Variants in CADM2 observed in about 807,000 individuals in gnomAD.
CADM2 encodes cell adhesion molecule 2.
A neutral mutation model predicts 49.8 loss-of-function variants in CADM2; 12 were observed. That is an observed-to-expected ratio of 0.24 (90% CI 0.15 to 0.39). The LOEUF (loss-of-function observed/expected upper bound fraction) is 0.39. Among genes scored for constraint, CADM2 ranks in the 10% least tolerant of loss-of-function variants. The pLI is 1.00. For missense variants in CADM2, 378 were observed against 492.3 expected (o/e 0.77, Z 2.20); for synonymous variants, 214 against 175.4 (o/e 1.22, Z -1.74).
chr3:85,414,573 C>T (rs1351549866), intron 1 of CADM2, among the ~76,000 whole-genome samples: 3 of 151,970 alleles, frequency 2.0e-5, no homozygotes, highest in African/African-American at 4.8e-5. Context: ...TTTTATTTTT[C>T]TATCTAAATG....
intron 1 of CADM2, among the ~76,000 whole-genome samples, chr3:85,474,001 G>T (rs919150911): frequency 6.6e-6 from 1 of 151,732 alleles, no homozygotes; most frequent in African/African-American, 2.4e-5. Flanking sequence ...CCTAAATATT[G>T]TTGCAATGAT....
intron 1 of CADM2, among the ~76,000 whole-genome samples, chr3:85,052,211 G>A (rs531795634): frequency 3.1e-4 from 47 of 152,176 alleles, no homozygotes; most frequent in African/African-American, 1.1e-3. Context: ...CTATTTCCCC[G>A]ATTGGATAAT....
intron 1 of CADM2, among the ~76,000 whole-genome samples, chr3:85,161,529 C>G (rs1240782474): frequency 6.6e-6 from 1 of 151,790 alleles, no homozygotes; most frequent in Admixed American, 6.6e-5. Context: ...CTACTAAAAC[C>G]TAGGTGAATG....
rs143789796 is a variant in CADM2 at position 86,061,550 on chromosome 3, G to A, written c.971-4055G>A. 2.8e-3 allele frequency among the ~76,000 whole-genome samples: 427 copies of A among 152,064 alleles called. 3 individuals are homozygous for A. Among genetic ancestry groups the A allele is most frequent in the African/African-American group, 9.6e-3 (397 of 41,512 alleles). ...AAGGATTAAGATATAATAACAAAAG[G>A]GTTAGATGACAATAAAGATTTGTAT... is the stretch of plus-strand genomic sequence containing the variant. On this transcript the variant is annotated intron_variant, in intron 8 of 9. Transcript: ENST00000383699.
intron 1 of CADM2, among the ~76,000 whole-genome samples, chr3:85,524,099 T>C (rs1363818552): frequency 1.3e-5 from 2 of 152,160 alleles, no homozygotes; most frequent in Non-Finnish European, 2.9e-5. Context: ...ACTAGGAATG[T>C]CTTGCCTTTG....
intron 7 of CADM2, among the ~76,000 whole-genome samples, chr3:85,940,596 A>C (rs2108552061): frequency 6.6e-6 from 1 of 152,244 alleles, no homozygotes; most frequent in Admixed American, 6.6e-5. Flanking sequence ...CCTAATATAT[A>C]GCAGTTGTTA....
intron 1 of CADM2, among the ~76,000 whole-genome samples, chr3:85,566,781 G>A (rs1291295408): frequency 1.3e-5 from 2 of 152,160 alleles, no homozygotes; most frequent in African/African-American, 4.8e-5. Context: ...ATAATCAAGT[G>A]AATTGCAATT....
Position 85,183,117 on chromosome 3 carries a change from C to T in CADM2, c.61+223449C>T, listed in dbSNP as rs80349749. Among the ~76,000 whole-genome samples, 1,051 of 152,154 alleles carry T rather than the reference C, an allele frequency of 6.9e-3. 9 individuals carry two copies. Among genetic ancestry groups the T allele is most frequent in the African/African-American group, 0.023 (961 of 41,538 alleles). ...GATGATGTAAATAAAATGATACTCT[C>T]AAATTAATACTAAGCTTTTCAGAGA... On this transcript the variant is annotated intron_variant, in intron 1 of 9. Coordinates refer to ENST00000383699, the MANE Select transcript of CADM2 (RefSeq NM_001167675.2).
chr3:85,232,703 A>C (rs762949828), intron 1 of CADM2, among the ~76,000 whole-genome samples: 1 of 152,206 alleles, frequency 6.6e-6, no homozygotes, highest in East Asian at 1.9e-4. Context: ...TTGCAAATTG[A>C]AACAGCAATG....
At chr3:85,703,570 G>GA (rs1299428418) in intron 1 of CADM2, among the ~76,000 whole-genome samples, 2 of 151,560 alleles carry the variant, frequency 1.3e-5, no homozygotes, top group South Asian at 2.1e-4. Flanking sequence ...ATATCAAAAA[G>GA]AAAAAAAAGT....
At chr3:85,055,527 G>A (rs913999980) in intron 1 of CADM2, among the ~76,000 whole-genome samples, 4 of 151,930 alleles carry the variant, frequency 2.6e-5, no homozygotes, top group Admixed American at 1.3e-4. Flanking sequence ...TTCAATTCAA[G>A]TGGCAATTCT....
intron 3 of CADM2, among the ~76,000 whole-genome samples, chr3:85,865,838 T>A (rs2075702727): frequency 6.6e-6 from 1 of 152,248 alleles, no homozygotes; most frequent in East Asian, 1.9e-4. Flanking sequence ...ATCATAGACA[T>A]GGATAAACCT....
intron 1 of CADM2, among the ~76,000 whole-genome samples, chr3:84,971,337 AAAG>A (rs2031417340): frequency 6.6e-6 from 1 of 152,208 alleles, no homozygotes; most frequent in East Asian, 1.9e-4. Context: ...GTAACATGAA[AAAG>A]AAGTTGTATG....
intron 8 of CADM2, chr3:86,013,300 C>T (rs535621219): frequency 1.3e-5 from 20 of 1,537,880 alleles, no homozygotes; most frequent in Non-Finnish European, 1.5e-5. Flanking sequence ...GACATTTTAC[C>T]TCTATCCCTT....
intron 1 of CADM2, among the ~76,000 whole-genome samples, chr3:85,452,059 G>C (rs923249265): frequency 6.6e-6 from 1 of 152,064 alleles, no homozygotes; most frequent in Non-Finnish European, 1.5e-5. Context: ...ATTCTGTAAG[G>C]CTTCTCATGT....
At chr3:85,939,645 C>T (rs957019260) in intron 7 of CADM2, among the ~76,000 whole-genome samples, 2 of 151,630 alleles carry the variant, frequency 1.3e-5, no homozygotes, top group African/African-American at 4.9e-5. Flanking sequence ...AGTGATGCGA[C>T]ATTTTCAGTG....
At chr3:85,282,251 CT>C (rs1344833906) in intron 1 of CADM2, among the ~76,000 whole-genome samples, 840 of 76,924 alleles carry the variant, frequency 0.011, 3 homozygotes, top group African/African-American at 0.03. Flanking sequence ...GGTTTGGGGG[CT>C]TTTTTTTTTT....
intron 1 of CADM2, among the ~76,000 whole-genome samples, chr3:85,002,093 T>C (rs575762970): frequency 6.6e-6 from 1 of 152,246 alleles, no homozygotes; most frequent in Admixed American, 6.5e-5. Flanking sequence ...TTTTTTTTCT[T>C]AACATGATTT....
At chr3:85,151,880 A>G (rs2107647522) in intron 1 of CADM2, among the ~76,000 whole-genome samples, 1 of 152,326 alleles carries the variant, frequency 6.6e-6, no homozygotes, top group African/African-American at 2.4e-5. Flanking sequence ...AGAACTTAAA[A>G]TTTGCTTAAA....
Sources: gnomAD v4.1 joint callset for allele counts (sites outside exome capture counted in the v4.1 genomes callset) on GRCh38, gnomAD v4.1.1 for gene constraint, MANE v1.5 for transcripts, NCBI Gene and HGNC (gene_info 2026-07-23, HGNC 2026-07-21) for gene names.